ZNF676: variants seen among roughly 807,000 people sequenced by gnomAD.
ZNF676 encodes the protein zinc finger protein 676.
ZNF676 carries 4 observed loss-of-function variants against 6.0 expected under a neutral mutation model. That is an observed-to-expected ratio of 0.67 (90% CI 0.33 to 1.53). ZNF676 has a LOEUF of 1.53. Ranked by LOEUF, ZNF676 falls within the 40% of genes most tolerant of loss-of-function variation. ZNF676 has a pLI of 0.06. For synonymous variants in ZNF676, 198 were observed against 223.1 expected, an observed-to-expected ratio of 0.89 and a Z score of 1.00; for missense variants, 644 against 679.7, an observed-to-expected ratio of 0.95 and a Z score of 0.58.
At chr19:22,206,941 C>A (rs1191406120) in intron 1 of ZNF676, among the ~76,000 whole-genome samples, 1 of 152,042 alleles carries the variant, frequency 6.6e-6, no homozygotes, top group Non-Finnish European at 1.5e-5. Context: ...TGATGGTATA[C>A]ATGTCAAAAT....
At chr19:22,228,698 C>G in the ZNF676 span, among the ~76,000 whole-genome samples, 1 of 152,022 alleles carries the variant, frequency 6.6e-6, no homozygotes, top group Non-Finnish European at 1.5e-5. Context: ...ACAAGCATTC[C>G]TATACACCAA....
At chr19:22,237,278 T>C in the ZNF676 span, among the ~76,000 whole-genome samples, 14 of 152,206 alleles carry the variant, frequency 9.2e-5, no homozygotes, top group South Asian at 1.4e-3. Flanking sequence ...AATAAACTAT[T>C]AGAAGCTTTT....
At chr19:22,244,642 CT>C in the ZNF676 span, 1 of 152,174 alleles carries the variant, frequency 6.6e-6, no homozygotes, top group Non-Finnish European at 1.5e-5. Flanking sequence ...ACAATGCTCC[CT>C]GTGGGAAAAG....
chr19:22,190,664 T>TATAC (rs1157566142), intron 2 of ZNF676, among the ~76,000 whole-genome samples: 33 of 111,806 alleles, frequency 3.0e-4, no homozygotes, highest in Non-Finnish European at 3.2e-4. Context: ...TATATATATA[T>TATAC]ACATACACAC....
the ZNF676 span, among the ~76,000 whole-genome samples, chr19:22,234,057 A>G: frequency 3.9e-5 from 6 of 152,310 alleles, no homozygotes; most frequent in Middle Eastern, 3.4e-3. Context: ...TCAGTATGTA[A>G]TCACACATCT....
upstream of ZNF676, among the ~76,000 whole-genome samples, chr19:22,216,257 A>T (rs1188733671): frequency 6.6e-6 from 1 of 152,126 alleles, no homozygotes; most frequent in African/African-American, 2.4e-5. Context: ...TGACATGGTG[A>T]AACCCCTTCT....
the ZNF676 span, among the ~76,000 whole-genome samples, chr19:22,252,356 C>G: frequency 6.9e-6 from 1 of 144,768 alleles, no homozygotes; most frequent in Non-Finnish European, 1.5e-5. Flanking sequence ...GATCGTGCCA[C>G]TGCATTCCAG....
intron 1 of ZNF676, 96 bp downstream of exon 1, chr19:22,196,504 T>C: frequency 6.2e-7 from 1 of 1,601,082 alleles, no homozygotes; most frequent in Non-Finnish European, 8.5e-7. Context: ...TTGTCTGTAT[T>C]CTCGCATTCA....
At chr19:22,193,221 CA>C in intron 1 of ZNF676, 110 bp from the exon 2 acceptor site, 1 of 1,192,816 alleles carries the variant, frequency 8.4e-7, no homozygotes, top group South Asian at 2.6e-5. Context: ...ACATTTATCC[CA>C]AAATACTAAA....
In ZNF676 at chr19:22,181,383, C is replaced by T; in HGVS notation, c.334G>A (p.Val112Ile). The change falls in exon 3 of 3, where the codon GTA (valine) becomes ATA (isoleucine). Residue 112 changes from valine (V) to isoleucine (I), a missense_variant. By Grantham distance (29) the Val-to-Ile change is conservative. This residue lies in a region of ZNF676 where 280 missense variants were observed against 269.3 expected (regional missense o/e 1.04). Coordinates refer to ENST00000397121, the MANE Select transcript of ZNF676 (RefSeq NM_001001411.3). Reference sequence around the variant, plus strand: ...TTTGCATATTTGCCACATTGAAATACTTTGCTCTGTGTAGTTGTTAAACTC... The same window carrying T: ...TTTGCATATTTGCCACATTGAAATATTTTGCTCTGTGTAGTTGTTAAACTC... Reference protein sequence around the residue: ...NQSLTTTQSKVFQCGKYANVF... With the variant: ...NQSLTTTQSKIFQCGKYANVF... 6.2e-7 allele frequency: 1 copy of T among 1,613,672 alleles called. No homozygotes were observed. Among genetic ancestry groups the T allele is most frequent in the South Asian group, 1.1e-5 (1 of 91,066 alleles).
the ZNF676 span, among the ~76,000 whole-genome samples, chr19:22,235,749 G>GA: frequency 1.3e-5 from 2 of 152,172 alleles, no homozygotes; most frequent in Non-Finnish European, 2.9e-5. Context: ...CTTTGAATAA[G>GA]ATTATGACAC....
chr19:22,218,955 T>A (rs1189809823), upstream of ZNF676, among the ~76,000 whole-genome samples: 3 of 151,698 alleles, frequency 2.0e-5, no homozygotes. Flanking sequence ...TTGTTTTGTT[T>A]TCCTAGTCTT....
the ZNF676 span, among the ~76,000 whole-genome samples, chr19:22,226,867 C>T: frequency 3.3e-5 from 5 of 151,978 alleles, no homozygotes; most frequent in South Asian, 2.1e-4. Context: ...CCAAAGTTCT[C>T]GGGTTACAGA....
At chr19:22,259,526 T>G in the ZNF676 span, among the ~76,000 whole-genome samples, 1 of 152,184 alleles carries the variant, frequency 6.6e-6, no homozygotes, top group Admixed American at 6.5e-5. Flanking sequence ...AAGTCACCTG[T>G]GTGCTGGACC....
Position 22,186,851 on chromosome 19 carries a change from C to T in ZNF676, c.131-5265G>A, listed in dbSNP as rs113528164. On this transcript the variant is annotated intron_variant, in intron 2 of 2. Transcript: ENST00000397121. The stretch of plus-strand genomic sequence containing the variant: ...GAGCTAACTATCGTAAATATATATG[C>T]GCCCAACACAGGAGCACCCAGAATC... 5.4e-3 allele frequency among the ~76,000 whole-genome samples: 818 copies of T among 152,234 alleles called. 5 individuals are homozygous for T. Among genetic ancestry groups the T allele is most frequent in the African/African-American group, 0.019 (773 of 41,538 alleles).
At chr19:22,218,583 A>G (rs1226940694), upstream of ZNF676, among the ~76,000 whole-genome samples, 1 of 150,526 alleles carries the variant, frequency 6.6e-6, no homozygotes, top group Non-Finnish European at 1.5e-5. Context: ...TGACCTCGTG[A>G]TCCACCCACC....
chr19:22,207,729 G>C (rs896796392), intron 1 of ZNF676, among the ~76,000 whole-genome samples: 4 of 152,104 alleles, frequency 2.6e-5, no homozygotes, highest in Non-Finnish European at 2.9e-5. Context: ...AAGCAACATG[G>C]TACTGGTACA....
intron 1 of ZNF676, among the ~76,000 whole-genome samples, chr19:22,202,247 C>T (rs542948625): frequency 6.9e-6 from 1 of 145,532 alleles, no homozygotes; most frequent in East Asian, 2.0e-4. Flanking sequence ...CCCATGGTCA[C>T]TGAATCAGTT....
the ZNF676 span, among the ~76,000 whole-genome samples, chr19:22,223,837 CT>C: frequency 9.3e-5 from 14 of 150,264 alleles, no homozygotes; most frequent in South Asian, 4.2e-4. Flanking sequence ...ATTCTGCAGA[CT>C]TTTTTTTTAA....
Sources: gnomAD v4.1 joint callset for allele counts (sites outside exome capture counted in the v4.1 genomes callset) on GRCh38, gnomAD v4.1.1 for gene constraint, gnomAD v4.1.1 regional missense constraint, MANE v1.5 for transcripts, NCBI Gene and HGNC (gene_info 2026-07-23, HGNC 2026-07-21) for gene names.